FLNB: variants seen among roughly 807,000 people sequenced by gnomAD.
The protein encoded by FLNB is filamin-B.
In FLNB, 111 loss-of-function variants were observed where a neutral mutation model predicts 250.6. That is an observed-to-expected ratio of 0.44 (90% CI 0.38 to 0.52). The LOEUF (loss-of-function observed/expected upper bound fraction) is 0.52. Ranked by LOEUF, FLNB falls within the 20% of genes least tolerant of loss-of-function variation. The pLI is 0.00. For missense variants in FLNB, 2,869 were observed against 3,447.8 expected (o/e 0.83, Z 4.20); for synonymous variants, 1,302 against 1,372.1 (o/e 0.95, Z 1.13).
intron 1 of FLNB, among the ~76,000 whole-genome samples, chr3:58,065,259 G>A (rs1451860292): frequency 6.6e-6 from 1 of 152,262 alleles, no homozygotes; most frequent in Non-Finnish European, 1.5e-5. Flanking sequence ...CTGGTGGGCA[G>A]AGAAGCCTGG....
chr3:58,157,102 T>C (rs1013517333), intron 41 of FLNB, among the ~76,000 whole-genome samples: 1 of 152,208 alleles, frequency 6.6e-6, no homozygotes, highest in Non-Finnish European at 1.5e-5. Flanking sequence ...ACATTTTTCC[T>C]CGTCCTAAAC....
rs1174805764 is a variant in FLNB at position 58,024,701 on chromosome 3, C to CTTT, written c.292+15870_292+15872dup. ...ATTTCTGGTCTTCTGGCCAAGCCTC[C>CTTT]TTTTTTTTTTTTTTTTTTTTTTTTT... is the stretch of plus-strand genomic sequence containing the variant. On this transcript the variant is annotated intron_variant, in intron 1 of 45. Coordinates refer to ENST00000295956, the MANE Select transcript of FLNB (RefSeq NM_001457.4). 5.6e-3 allele frequency among the ~76,000 whole-genome samples: 466 copies of CTTT among 83,706 alleles called. 31 individuals are homozygous for CTTT. Among genetic ancestry groups the CTTT allele is most frequent in the African/African-American group, 0.02 (445 of 22,404 alleles). The allele number at this position is 83,706 out of a possible 152,430, so 54.9% of individuals were successfully genotyped here.
At chr3:58,149,104 C>A in intron 36 of FLNB, 1 of 512,660 alleles carries the variant, frequency 2.0e-6, no homozygotes, top group Admixed American at 3.2e-5. Context: ...GAACCCAGAG[C>A]CACAACACCT....
chr3:58,147,354 T>A (rs2097337383), intron 34 of FLNB, among the ~76,000 whole-genome samples: 1 of 152,254 alleles, frequency 6.6e-6, no homozygotes, highest in Admixed American at 6.5e-5. Flanking sequence ...GTAAATTTTC[T>A]GCTATCCCTT....
intron 23 of FLNB, among the ~76,000 whole-genome samples, 185 bp from the exon 24 acceptor site, chr3:58,126,417 A>G (rs1023716943): frequency 1.3e-5 from 2 of 152,184 alleles, no homozygotes; most frequent in Admixed American, 6.5e-5. Flanking sequence ...AGCATTGAAA[A>G]TGAGGGGTCA....
At chr3:58,070,761 G>A (rs1559672361) in intron 1 of FLNB, among the ~76,000 whole-genome samples, 1 of 151,404 alleles carries the variant, frequency 6.6e-6, no homozygotes, top group East Asian at 1.9e-4. Flanking sequence ...CTGGGTTCAG[G>A]CGATTCTCTT....
intron 44 of FLNB, 80 bp downstream of exon 44, chr3:58,168,738 G>A: frequency 1.0e-5 from 10 of 982,334 alleles, no homozygotes; most frequent in South Asian, 2.7e-5. Context: ...GGAAACTATG[G>A]ATGGTTTTAG....
chr3:58,100,567 C>CT (rs1042126941), intron 8 of FLNB, among the ~76,000 whole-genome samples: 3 of 141,146 alleles, frequency 2.1e-5, no homozygotes, highest in Admixed American at 7.2e-5. Flanking sequence ...ATTTTTTACC[C>CT]TTTTTTTTTC....
At chr3:58,043,109 A>G (rs1447528569) in intron 1 of FLNB, among the ~76,000 whole-genome samples, 1 of 149,094 alleles carries the variant, frequency 6.7e-6, no homozygotes, top group African/African-American at 2.5e-5. Context: ...AGCTATGTAA[A>G]CTGGATAAGT....
chr3:58,102,418 C>A, intron 9 of FLNB, 78 bp downstream of exon 9: 3 of 1,478,912 alleles, frequency 2.0e-6, no homozygotes, highest in Non-Finnish European at 2.8e-6. Flanking sequence ...TTTCATCCCA[C>A]GGCCAGTTGT....
intron 3 of FLNB, among the ~76,000 whole-genome samples, chr3:58,080,639 T>A (rs958660100): frequency 2.6e-5 from 4 of 151,240 alleles, no homozygotes; most frequent in Non-Finnish European, 5.9e-5. Context: ...GGACTGCAGG[T>A]GTATGCCACC....
Position 58,146,571 on chromosome 3 carries a change from T to C in FLNB, c.5555-249T>C, listed in dbSNP as rs2107264210. 4 of 513,432 alleles carry C rather than the reference T, an allele frequency of 7.8e-6. No homozygotes were observed. The South Asian group carries it at 8.2e-5, about 11-fold the overall frequency. 31.8% of individuals were successfully genotyped at this position (513,432 alleles called of 1,614,324 possible). Reference sequence around the variant, plus strand: ...CTTCCTTTTCTCATCCCATGCATCCTGAGAGTAGAGAGAGCTCCAGGGTTA... The same window carrying C: ...CTTCCTTTTCTCATCCCATGCATCCCGAGAGTAGAGAGAGCTCCAGGGTTA... On this transcript the variant is annotated intron_variant, in intron 33 of 45. Transcript: ENST00000295956.
chr3:58,094,700 C>T, intron 4 of FLNB, 136 bp from the exon 5 acceptor site: 1 of 784,556 alleles, frequency 1.3e-6, no homozygotes, highest in Non-Finnish European at 2.3e-6. Flanking sequence ...CTTGTCAAGG[C>T]AGTTTGTCCC....
intron 29 of FLNB, among the ~76,000 whole-genome samples, chr3:58,141,208 G>A (rs1320194816): frequency 6.6e-6 from 1 of 152,160 alleles, no homozygotes; most frequent in Non-Finnish European, 1.5e-5. Flanking sequence ...AGCTGAGATT[G>A]CGCCACTGCA....
chr3:58,160,065 C>T (rs1176869748), intron 42 of FLNB, among the ~76,000 whole-genome samples: 1 of 152,026 alleles, frequency 6.6e-6, no homozygotes, highest in African/African-American at 2.4e-5. Context: ...AACAAAAAAA[C>T]ACATACACAC....
At position 58,102,322 on chromosome 3, in the gene FLNB, G is replaced by A; in HGVS notation, c.1465G>A (p.Val489Ile). The A allele has an allele frequency of 6.2e-7, 1 of 1,614,180 alleles. No homozygotes were observed. Among genetic ancestry groups the A allele is most frequent in the Non-Finnish European group, 8.5e-7 (1 of 1,180,030 alleles). ...AGCTGCAGGAAGTGGGGAGCTCGGT[G>A]TAACCATGAAGGGTCCTAGTAAGTG... Reference protein sequence around the residue: ...TKAAGSGELGVTMKGPKGLEE... With the variant: ...TKAAGSGELGITMKGPKGLEE... The change falls in exon 9 of 46, where the codon GTA becomes ATA. Residue 489 changes from valine (V) to isoleucine (I), a missense_variant. By Grantham distance (29) the Val-to-Ile change is conservative. Around this residue, in one of 5 missense-constraint regions of FLNB, gnomAD observed 1,348 missense variants for 1,466.7 expected, o/e 0.92. Coordinates refer to ENST00000295956, the MANE Select transcript of FLNB (RefSeq NM_001457.4).
intron 10 of FLNB, among the ~76,000 whole-genome samples, chr3:58,104,444 T>C (rs1327715808): frequency 6.6e-6 from 1 of 152,224 alleles, no homozygotes; most frequent in Non-Finnish European, 1.5e-5. Context: ...CAGAATCTGC[T>C]GTGGTTTACA....
intron 4 of FLNB, among the ~76,000 whole-genome samples, chr3:58,087,998 G>A (rs1255354818): frequency 1.4e-5 from 2 of 145,308 alleles, no homozygotes; most frequent in African/African-American, 2.6e-5. Context: ...CCTTGGCCTC[G>A]AAAGTGCTGA....
chr3:58,042,139 G>A (rs1171385694), intron 1 of FLNB, among the ~76,000 whole-genome samples: 2 of 152,108 alleles, frequency 1.3e-5, no homozygotes, highest in Non-Finnish European at 2.9e-5. Context: ...GGTTGAACAA[G>A]TCCTCTAGAA....
Sources: gnomAD v4.1 joint callset for allele counts (sites outside exome capture counted in the v4.1 genomes callset) on GRCh38, gnomAD v4.1.1 for gene constraint, gnomAD v4.1.1 regional missense constraint, MANE v1.5 for transcripts, NCBI Gene and HGNC (gene_info 2026-07-23, HGNC 2026-07-21) for gene names.